CPNE8: variants seen among roughly 807,000 people sequenced by gnomAD.
CPNE8 encodes the protein copine 8, also known as copine-8.
In CPNE8, 45 loss-of-function variants were observed where a neutral mutation model predicts 81.5. That is an observed-to-expected ratio of 0.55 (90% CI 0.44 to 0.71). The LOEUF is 0.71. Among genes scored for constraint, CPNE8 ranks in the 30% least tolerant of loss-of-function variants. The pLI is 0.00. For missense variants in CPNE8, 594 were observed against 672.1 expected (o/e 0.88, Z 1.28); for synonymous variants, 252 against 226.3 (o/e 1.11, Z -1.02).
chr12:38,886,763 C>T (rs567455215), intron 1 of CPNE8, among the ~76,000 whole-genome samples: 9 of 152,214 alleles, frequency 5.9e-5, no homozygotes, highest in African/African-American at 1.7e-4. Flanking sequence ...TTTATACTGT[C>T]GGCCCAGCCA....
At chr12:38,905,799 G>C (rs1190920108), upstream of CPNE8, 3 of 985,252 alleles carry the variant, frequency 3.0e-6, no homozygotes, top group African/African-American at 5.2e-5. Flanking sequence ...CTTCCGGCAG[G>C]CAGCAGCCCG....
At chr12:38,862,885 G>A (rs943975352) in intron 3 of CPNE8, among the ~76,000 whole-genome samples, 2 of 152,144 alleles carry the variant, frequency 1.3e-5, no homozygotes, top group African/African-American at 2.4e-5. Flanking sequence ...GGAGATGGAG[G>A]CTGCAGTGAG....
At chr12:38,860,385 C>CAAAAAA (rs36025286) in intron 3 of CPNE8, among the ~76,000 whole-genome samples, 9 of 111,174 alleles carry the variant, frequency 8.1e-5, no homozygotes, top group East Asian at 5.6e-4. Flanking sequence ...TGGCTATTAT[C>CAAAAAA]AAAAAAAAAA....
intron 10 of CPNE8, among the ~76,000 whole-genome samples, chr12:38,741,254 A>G (rs1030554371): frequency 2.6e-5 from 4 of 152,186 alleles, no homozygotes; most frequent in African/African-American, 9.7e-5. Context: ...ACAAAGCTGG[A>G]GGCATCATGC....
intron 6 of CPNE8, among the ~76,000 whole-genome samples, chr12:38,828,944 C>T (rs1394246003): frequency 1.3e-5 from 2 of 152,114 alleles, no homozygotes; most frequent in East Asian, 3.9e-4. Flanking sequence ...CCAATATTTA[C>T]CTACTTACAG....
intron 6 of CPNE8, among the ~76,000 whole-genome samples, chr12:38,817,614 CTT>C (rs869168296): frequency 1.8e-4 from 16 of 90,614 alleles, no homozygotes; most frequent in African/African-American, 5.2e-4. Context: ...TTAATTTATT[CTT>C]TTTTTTTTTT....
rs552515934 is a variant in CPNE8 at position 38,808,030 on chromosome 12, A to C, written c.407+21349T>G. ...CTCATCATCACTGGCCATCAGAGAA[A>C]TGCAAATCAAAACCACAATGAGATA... On this transcript the variant is annotated intron_variant, in intron 6 of 19. Transcript: ENST00000331366. Among the ~76,000 whole-genome samples the C allele has an allele frequency of 2.6e-3, 399 of 152,248 alleles. 2 individuals are homozygous for C. The highest frequency in any genetic ancestry group is 9.4e-3 in the African/African-American group (389 of 41,548).
chr12:38,735,666 T>C (rs1216666680), intron 10 of CPNE8, among the ~76,000 whole-genome samples: 1 of 152,018 alleles, frequency 6.6e-6, no homozygotes, highest in Non-Finnish European at 1.5e-5. Flanking sequence ...GCCTTTTTTT[T>C]CCTTTTAACT....
intron 13 of CPNE8, among the ~76,000 whole-genome samples, chr12:38,710,902 T>C (rs559169815): frequency 9.2e-5 from 14 of 152,332 alleles, no homozygotes; most frequent in Admixed American, 2.0e-4. Context: ...CCCACTCTAC[T>C]ACCTCCTGCC....
chr12:38,730,429 G>A (rs2136763954), intron 10 of CPNE8, 71 bp from the exon 11 acceptor site: 2 of 832,582 alleles, frequency 2.4e-6, no homozygotes, highest in Non-Finnish European at 2.0e-6. Context: ...AAAGTTTTTA[G>A]AAAGGTTTAA....
chr12:38,902,362 A>AAAAAAGAAAGAAAAGAAAG (rs1287074786), intron 1 of CPNE8, among the ~76,000 whole-genome samples: 1 of 95,254 alleles, frequency 1.0e-5, no homozygotes, highest in Non-Finnish European at 1.9e-5. Context: ...GAAAGAAAGA[A>AAAAAAGAAAGAAAAGAAAG]AGAAAGAAAG....
At chr12:38,739,881 G>C (rs965955204) in intron 10 of CPNE8, among the ~76,000 whole-genome samples, 3 of 152,082 alleles carry the variant, frequency 2.0e-5, no homozygotes, top group African/African-American at 4.8e-5. Context: ...TTCAGAATTA[G>C]TTTGTGCTCT....
At position 38,895,393 on chromosome 12, in the gene CPNE8, T is replaced by C. The variant is rs1329502929; in HGVS notation, c.98+10044A>G. 2.0e-5 allele frequency among the ~76,000 whole-genome samples: 3 copies of C among 152,078 alleles called. No homozygotes were observed. The East Asian group carries it at 5.8e-4, about 29-fold the overall frequency. On this transcript the variant is annotated intron_variant, in intron 1 of 19. Coordinates refer to ENST00000331366, the MANE Select transcript of CPNE8 (RefSeq NM_153634.3). ...ACTGGTAAATTTGAATGTCACATAG[T>C]CATTTCAATTAACTTTTCTTACTTT...
chr12:38,813,994 A>G (rs1462692252), intron 6 of CPNE8, among the ~76,000 whole-genome samples: 1 of 152,128 alleles, frequency 6.6e-6, no homozygotes, highest in East Asian at 1.9e-4. Context: ...CTGGAGTGGA[A>G]TCATGAAGAA....
chr12:38,777,168 T>C (rs1379453218), intron 6 of CPNE8, among the ~76,000 whole-genome samples: 1 of 152,012 alleles, frequency 6.6e-6, no homozygotes, highest in African/African-American at 2.4e-5. Context: ...GGACAAGATG[T>C]GGAGGTGGAA....
At chr12:38,777,794 G>T (rs1000863205) in intron 6 of CPNE8, among the ~76,000 whole-genome samples, 1 of 152,116 alleles carries the variant, frequency 6.6e-6, no homozygotes, top group Non-Finnish European at 1.5e-5. Flanking sequence ...CAACCCCAGG[G>T]CTGCAGAGCA....
rs1003171898 is a variant in CPNE8, at chr12:38,653,025, A to G, written c.*857T>C. On this transcript the variant is annotated 3_prime_UTR_variant, in exon 20 of 20. Coordinates refer to ENST00000331366, the MANE Select transcript of CPNE8 (RefSeq NM_153634.3). ...TTAAAACATCTGCTACATAGTTCAC[A>G]GTTAAATAGTCTTGGTTTCAGTCTT... 11 of 152,736 alleles carry G rather than the reference A, an allele frequency of 7.2e-5. No individual in the cohort carries two copies. Among genetic ancestry groups the G allele is most frequent in the Non-Finnish European group, 1.6e-4 (11 of 68,014 alleles). 9.5% of individuals were successfully genotyped at this position (152,736 alleles called of 1,614,324 possible). A position where few individuals can be genotyped will look rare whatever the true frequency, so the allele number is the denominator to read the frequency against.
intron 19 of CPNE8, among the ~76,000 whole-genome samples, chr12:38,664,151 AT>A (rs1379256790): frequency 6.6e-6 from 1 of 152,122 alleles, no homozygotes; most frequent in Non-Finnish European, 1.5e-5. Flanking sequence ...ACACAAAAAA[AT>A]AAATGTCTGA....
At chr12:38,825,588 G>C (rs1465335336) in intron 6 of CPNE8, among the ~76,000 whole-genome samples, 1 of 152,154 alleles carries the variant, frequency 6.6e-6, no homozygotes, top group African/African-American at 2.4e-5. Flanking sequence ...ATTTGAGACT[G>C]AGGTAAGGGA....
Sources: allele counts gnomAD v4.1 joint callset (sites outside exome capture counted in the v4.1 genomes callset), GRCh38; gene constraint gnomAD v4.1.1; transcripts MANE v1.5; gene names NCBI Gene and HGNC (gene_info 2026-07-23, HGNC 2026-07-21).